Variants in NTN4 observed in about 807,000 individuals in gnomAD.
NTN4 encodes netrin-4.
In NTN4, 32 loss-of-function variants were observed where a neutral mutation model predicts 73.6. That is an observed-to-expected ratio of 0.44 (90% confidence interval 0.33 to 0.58). The LOEUF (loss-of-function observed/expected upper bound fraction) is 0.58. Ranked by LOEUF, NTN4 falls within the 20% of genes least tolerant of loss-of-function variation. The pLI, the probability that NTN4 is intolerant of heterozygous loss-of-function variation, is 0.04. For missense variants in NTN4, 654 were observed against 798.3 expected, an observed-to-expected ratio of 0.82 and a Z score of 2.18; for synonymous variants, 258 against 287.5, an observed-to-expected ratio of 0.90 and a Z score of 1.04.
At chr12:95,713,115 C>T (rs746059708) in intron 4 of NTN4, 97 bp downstream of exon 4, 122 of 1,446,800 alleles carry the variant, frequency 8.4e-5, no homozygotes, top group Non-Finnish European at 1.1e-4. Context: ...TGTTTGTCAC[C>T]CACCACTTTG....
At chr12:95,759,808 T>G (rs1251476201) in intron 2 of NTN4, among the ~76,000 whole-genome samples, 1 of 152,172 alleles carries the variant, frequency 6.6e-6, no homozygotes, top group Non-Finnish European at 1.5e-5. Context: ...TTTTCATCTT[T>G]AGAAGTTCCA....
chr12:95,768,109 G>A (rs10507061), intron 2 of NTN4, among the ~76,000 whole-genome samples: 1 of 151,984 alleles, frequency 6.6e-6, no homozygotes, highest in African/African-American at 2.4e-5. Flanking sequence ...GTTTACTTGA[G>A]CAATAGCTAT....
chr12:95,735,110 C>T (rs577704440), intron 3 of NTN4, among the ~76,000 whole-genome samples: 39 of 149,078 alleles, frequency 2.6e-4, no homozygotes, highest in Admixed American at 5.3e-4. Context: ...AAGCTCTTTT[C>T]TAATTCAGAA....
At chr12:95,787,822 T>C (rs567460642) in intron 1 of NTN4, among the ~76,000 whole-genome samples, 8 of 152,240 alleles carry the variant, frequency 5.3e-5, no homozygotes, top group Non-Finnish European at 8.8e-5. Flanking sequence ...CTTTGCCTTA[T>C]AAATGTTTTC....
chr12:95,728,227 T>C (rs10859929), intron 3 of NTN4, among the ~76,000 whole-genome samples: 54,012 of 152,024 alleles, frequency 0.36, 11,301 homozygotes, highest in Non-Finnish European at 0.47. Flanking sequence ...ATTATATCAT[T>C]TGTGAATAAA....
chr12:95,745,114 T>C (rs2078853175), intron 2 of NTN4, among the ~76,000 whole-genome samples: 1 of 152,116 alleles, frequency 6.6e-6, no homozygotes, highest in Non-Finnish European at 1.5e-5. Context: ...AATTTGATTG[T>C]TATGTGTTTT....
intron 3 of NTN4, among the ~76,000 whole-genome samples, chr12:95,729,632 A>AGAGTGTGTGTGTGTGT (rs1555218229): frequency 3.2e-5 from 4 of 124,088 alleles, no homozygotes; most frequent in African/African-American, 1.2e-4. Context: ...AGAGAGAGAG[A>AGAGTGTGTGTGTGTGT]GTGTGTGTGT....
intron 2 of NTN4, among the ~76,000 whole-genome samples, chr12:95,770,152 T>C (rs1483754565): frequency 2.0e-5 from 3 of 152,172 alleles, no homozygotes; most frequent in African/African-American, 7.2e-5. Context: ...CATATTTAGT[T>C]TTCTTTAACA....
intron 5 of NTN4, among the ~76,000 whole-genome samples, chr12:95,704,059 G>C (rs186059475): frequency 1.3e-5 from 2 of 148,494 alleles, no homozygotes; most frequent in East Asian, 5.6e-4. Flanking sequence ...CTCCTGAGGA[G>C]CTGGGATGTC....
At chr12:95,682,964 G>C in intron 6 of NTN4, 142 bp from the exon 7 acceptor site, 1 of 539,706 alleles carries the variant, frequency 1.9e-6, no homozygotes, top group Non-Finnish European at 3.3e-6. Flanking sequence ...GAACTATTGT[G>C]AAGACAATAA....
At chr12:95,742,362 C>T (rs187525697) in intron 2 of NTN4, among the ~76,000 whole-genome samples, 1 of 141,500 alleles carries the variant, frequency 7.1e-6, no homozygotes, top group East Asian at 2.0e-4. Flanking sequence ...GGCATGGTGG[C>T]GTTAAAAAAA....
intron 2 of NTN4, among the ~76,000 whole-genome samples, chr12:95,756,437 T>C (rs78614551): frequency 0.12 from 18,149 of 152,230 alleles, 1,496 homozygotes; most frequent in Non-Finnish European, 0.18. Context: ...TTGATTGGTG[T>C]GTCGCTTTTT....
At chr12:95,754,880 C>T (rs1190596561) in intron 2 of NTN4, among the ~76,000 whole-genome samples, 3 of 152,158 alleles carry the variant, frequency 2.0e-5, no homozygotes, top group Non-Finnish European at 4.4e-5. Flanking sequence ...TTCACATGGA[C>T]GCGCATGAAA....
At chr12:95,740,962 C>T (rs980485888) in intron 2 of NTN4, among the ~76,000 whole-genome samples, 2 of 152,130 alleles carry the variant, frequency 1.3e-5, no homozygotes, top group African/African-American at 2.4e-5. Flanking sequence ...TTTCAACAAG[C>T]CTTCCAGGTG....
chr12:95,723,359 A>G (rs2078664559), intron 3 of NTN4, among the ~76,000 whole-genome samples: 1 of 152,088 alleles, frequency 6.6e-6, no homozygotes, highest in Non-Finnish European at 1.5e-5. Flanking sequence ...GCCTTTTATC[A>G]TCATTCAGCT....
intron 2 of NTN4, among the ~76,000 whole-genome samples, chr12:95,749,214 A>G (rs2078885473): frequency 6.6e-6 from 1 of 152,038 alleles, no homozygotes; most frequent in South Asian, 2.1e-4. Context: ...GCCTGCACCC[A>G]GGTGAAATAA....
chr12:95,776,488 C>T (rs1275410418), intron 2 of NTN4, among the ~76,000 whole-genome samples: 6 of 152,114 alleles, frequency 3.9e-5, no homozygotes, highest in East Asian at 3.8e-4. Context: ...AGCTGAAAAC[C>T]GTGGCATGAG....
intron 5 of NTN4, among the ~76,000 whole-genome samples, chr12:95,696,282 A>G (rs2078441446): frequency 6.6e-6 from 1 of 151,960 alleles, no homozygotes; most frequent in African/African-American, 2.4e-5. Flanking sequence ...TTTAGAGTCT[A>G]TTTCCACGGG....
chr12:95,787,028 C>T lies in NTN4; in HGVS notation c.496G>A (p.Ala166Thr), dbSNP rs117824545. 2.5e-5 allele frequency: 41 copies of T among 1,614,112 alleles called. No individual in the cohort carries two copies. The East Asian group carries it at 3.6e-4, about 14-fold the overall frequency. ...ACATCATCTTCCAGGCCAAATGTAG[C>T]GGAGCAGTTAGTCGCAAAGTACTTA... ...PYKYFATNCS[A>T]TFGLEDDVVK... Residue 166 changes from alanine (A) to threonine (T), a missense_variant, in exon 2 of 10, where the codon GCT (alanine) becomes ACT (threonine). Coordinates refer to ENST00000343702, the MANE Select transcript of NTN4 (RefSeq NM_021229.4).
Sources: allele counts gnomAD v4.1 joint callset (sites outside exome capture counted in the v4.1 genomes callset), GRCh38; gene constraint gnomAD v4.1.1; transcripts MANE v1.5; gene names NCBI Gene and HGNC (gene_info 2026-07-23, HGNC 2026-07-21).